Variants in TPRKB observed in about 807,000 individuals in gnomAD.
TPRKB encodes TP53RK binding protein.
In TPRKB, 11 loss-of-function variants were observed where a neutral mutation model predicts 17.8. The ratio of observed to expected loss-of-function variants is 0.62; its 90% CI spans 0.39 to 1.02. TPRKB has a LOEUF of 1.02. Among genes scored for constraint, TPRKB ranks in the 50% least tolerant of loss-of-function variants. The pLI is 0.00. For synonymous variants in TPRKB, 71 were observed against 69.5 expected (o/e 1.02, Z -0.11); for missense variants, 228 against 198.0 (o/e 1.15, Z -0.91).
In TPRKB at chr2:73,734,854, G is replaced by A. The variant is rs112502322; in HGVS notation, c.-22-263C>T. 4.3e-3 allele frequency among the ~76,000 whole-genome samples: 654 copies of A among 152,340 alleles called. 7 individuals are homozygous for A. Among genetic ancestry groups the A allele is most frequent in the African/African-American group, 0.015 (628 of 41,574 alleles). Reference sequence around the variant, plus strand: ...ATGAGGCAGGCTCAGGTGCATGGTTGAAGGGCTGCTTCCCCAGCAGACAAG... The same window carrying A: ...ATGAGGCAGGCTCAGGTGCATGGTTAAAGGGCTGCTTCCCCAGCAGACAAG... On this transcript the variant is annotated intron_variant, in intron 1 of 4. Coordinates refer to ENST00000272424, the MANE Select transcript of TPRKB (RefSeq NM_016058.5).
chr2:73,730,001 C>A lies in TPRKB; in HGVS notation c.470G>T (p.Ser157Ile). 1 of 1,574,694 alleles carries A rather than the reference C, an allele frequency of 6.4e-7. No individual in the cohort carries two copies. Among genetic ancestry groups the A allele is most frequent in the South Asian group, 1.2e-5 (1 of 86,326 alleles). The change falls in exon 5 of 5, where the codon AGT becomes ATT. Residue 157 changes from serine to isoleucine, a missense_variant. By Grantham distance (142) the Ser-to-Ile change is moderately radical (BLOSUM62 -2). Coordinates refer to ENST00000272424, the MANE Select transcript of TPRKB (RefSeq NM_016058.5). Reference sequence around the variant, plus strand: ...GATAGCATCCAATAATGTCCCAATACTTTCTTCTTGTGAAGAGAGTTTATA... The same window carrying A: ...GATAGCATCCAATAATGTCCCAATAATTTCTTCTTGTGAAGAGAGTTTATA... ...KIYKLSSQEE[S>I]IGTLLDAIIC... is the part of the protein sequence containing the mutation.
intron 1 of TPRKB, 78 bp from the exon 2 acceptor site, chr2:73,734,669 A>AACTT: frequency 7.7e-7 from 1 of 1,302,056 alleles, no homozygotes; most frequent in South Asian, 1.5e-5. Context: ...AATATTCAAA[A>AACTT]ACTTTGAAAG....
intron 2 of TPRKB, 110 bp from the exon 3 acceptor site, chr2:73,732,395 A>G (rs1320276787): frequency 8.3e-7 from 1 of 1,200,878 alleles, no homozygotes; most frequent in Non-Finnish European, 1.2e-6. Flanking sequence ...CTTCATCACA[A>G]TTCTTACGGT....
At position 73,730,014 on chromosome 2, in the gene TPRKB, A is replaced by G. The variant is rs1671521456; in HGVS notation, c.457T>C (p.Ser153Pro). The change falls in exon 5 of 5, where the codon TCA becomes CCA. Residue 153 changes from serine to proline, a missense_variant. Coordinates refer to ENST00000272424, the MANE Select transcript of TPRKB (RefSeq NM_016058.5). ...AATGTCCCAATACTTTCTTCTTGTG[A>G]AGAGAGTTTATATATCTGTAAAAAT... ...TEVKKIYKLS[S>P]QEESIGTLLD... is the part of the protein sequence containing the mutation. The G allele has an allele frequency of 1.8e-5, 28 of 1,572,000 alleles. No homozygotes were observed. The highest frequency in any genetic ancestry group is 2.3e-5 in the Non-Finnish European group (27 of 1,156,432).
At chr2:73,733,189 C>T (rs995955838) in intron 2 of TPRKB, among the ~76,000 whole-genome samples, 3 of 150,838 alleles carry the variant, frequency 2.0e-5, no homozygotes, top group African/African-American at 4.9e-5. Context: ...TGTTCAAAGG[C>T]CTAAGTAGTA....
rs772184234 is a variant in TPRKB at position 73,734,447 on chromosome 2, T to G, written c.123A>C (p.Ser41=). ...TATTTACCACTGTAGGATTTATCAG[T>G]GATCCATCGATGGTGCCTTCCATGG... ...RKAMEGTIDG[S]LINPTVIVDP... is the part of the protein sequence containing the mutation. The change falls in exon 2 of 5, where the codon TCA becomes TCC. Residue 41 remains serine, a synonymous_variant. Coordinates refer to ENST00000272424, the MANE Select transcript of TPRKB (RefSeq NM_016058.5). 13 of 1,612,804 alleles carry G rather than the reference T, an allele frequency of 8.1e-6. No individual in the cohort carries two copies. In the Admixed American group the frequency reaches 1.8e-4, roughly 23 times the overall value.
At chr2:73,731,600 G>A (rs1036578794) in intron 3 of TPRKB, among the ~76,000 whole-genome samples, 13 of 152,174 alleles carry the variant, frequency 8.5e-5, no homozygotes, top group African/African-American at 2.9e-4. Flanking sequence ...AACTTCATCA[G>A]CAAAATTGCA....
rs1184981007 is a variant in TPRKB at position 73,729,929 on chromosome 2, A to C, written c.*14T>G. On this transcript the variant is annotated 3_prime_UTR_variant, in exon 5 of 5. Coordinates refer to ENST00000272424, the MANE Select transcript of TPRKB (RefSeq NM_016058.5). ...TCTTTAATGCTGAGAATTTTTGTTA[A>C]TATTTCTGACATTTCATAAAACATC... 1.3e-6 allele frequency: 2 copies of C among 1,534,406 alleles called. No homozygotes were observed. The highest frequency in any genetic ancestry group is 4.0e-5 in the Admixed American group (2 of 49,430).
rs772383010 is a variant in TPRKB, at chr2:73,732,151, A to C, written c.264+12T>G. On this transcript the variant is annotated intron_variant, in intron 3 of 4. Transcript: ENST00000272424. ...ATGACACGGTCAACAGAAATAGGAA[A>C]GTGCACATTACATTGTTATTTGGGG... The C allele has an allele frequency of 5.0e-6, 8 of 1,609,882 alleles. No homozygotes were observed. Among genetic ancestry groups the C allele is most frequent in the Non-Finnish European group, 6.8e-6 (8 of 1,178,406 alleles).
rs1181710439 is a variant in TPRKB at position 73,734,555 on chromosome 2, A to T, written c.15T>A (p.His5Gln). 10 of 1,611,754 alleles carry T rather than the reference A, an allele frequency of 6.2e-6. No individual in the cohort carries two copies. Among genetic ancestry groups the T allele is most frequent in the Non-Finnish European group, 8.5e-6 (10 of 1,179,314 alleles). The change falls in exon 2 of 5, where the codon CAT becomes CAA. Residue 5 changes from histidine to glutamine, a missense_variant. Transcript: ENST00000272424. Reference sequence around the variant, plus strand: ...TGCATTCGGGAAATAGGTCCAGCTGATGTGTTAACTGCATTTCACAGATAA... The same window carrying T: ...TGCATTCGGGAAATAGGTCCAGCTGTTGTGTTAACTGCATTTCACAGATAA... MQLTHQLDLFPECRV... is the reference protein window; with the variant it reads MQLTQQLDLFPECRV...
At chr2:73,731,997 TAGTA>T (rs1214585610) in intron 3 of TPRKB, 162 bp downstream of exon 3, 3 of 707,008 alleles carry the variant, frequency 4.2e-6, no homozygotes, top group Admixed American at 6.1e-5. Flanking sequence ...TAAACTGTCT[TAGTA>T]AGAGGCAGGG....
chr2:73,732,369 G>A (rs1671655960), intron 2 of TPRKB, 84 bp from the exon 3 acceptor site: 1 of 1,409,392 alleles, frequency 7.1e-7, no homozygotes, highest in African/African-American at 1.4e-5. Context: ...GTTAACTCCA[G>A]TGTCAAGCTG....
chr2:73,731,927 T>C (rs1166938896), intron 3 of TPRKB: 1 of 357,658 alleles, frequency 2.8e-6, no homozygotes, highest in African/African-American at 2.1e-5. Flanking sequence ...TGACCCTATA[T>C]GGTAAGAACA....
At chr2:73,732,452 C>T in intron 2 of TPRKB, 167 bp from the exon 3 acceptor site, 1 of 753,014 alleles carries the variant, frequency 1.3e-6, no homozygotes, top group South Asian at 1.9e-5. Flanking sequence ...TGGCTCACAC[C>T]TGTAATCCTA....
chr2:73,730,500 A>G (rs1177000637), intron 4 of TPRKB, 60 bp downstream of exon 4: 5 of 1,221,214 alleles, frequency 4.1e-6, no homozygotes, highest in Admixed American at 5.4e-5. Flanking sequence ...TCAATAGGCA[A>G]ACGGCATCAG....
chr2:73,729,958 T>C lies in TPRKB; in HGVS notation c.513A>G (p.Thr171=). 1.3e-6 allele frequency: 2 copies of C among 1,569,656 alleles called. No homozygotes were observed. Among genetic ancestry groups the C allele is most frequent in the Non-Finnish European group, 1.7e-6 (2 of 1,153,922 alleles). The part of the protein sequence containing the change: ...LLDAIICRMS[T]KDVL ...TTCTGACATTTCATAAAACATCTTT[T>C]GTTGACATTCTACAAATGATAGCAT... is the stretch of plus-strand genomic sequence containing the variant. The change falls in exon 5 of 5, where the codon ACA becomes ACG. Residue 171 remains threonine, a synonymous_variant. Coordinates refer to ENST00000272424, the MANE Select transcript of TPRKB (RefSeq NM_016058.5).
Position 73,729,956 on chromosome 2 carries a change from T to C in TPRKB, c.515A>G (p.Lys172Arg). 6.4e-7 allele frequency: 1 copy of C among 1,568,602 alleles called. No individual in the cohort carries two copies. ...LDAIICRMST[K>R]DVL Reference sequence around the variant, plus strand: ...ATTTCTGACATTTCATAAAACATCTTTTGTTGACATTCTACAAATGATAGC... The same window carrying C: ...ATTTCTGACATTTCATAAAACATCTCTTGTTGACATTCTACAAATGATAGC... Residue 172 changes from lysine (K) to arginine (R), a missense_variant, in exon 5 of 5, where the codon AAA (lysine) becomes AGA (arginine). Physicochemically the swap from Lys to Arg is conservative, Grantham distance 26. Transcript: ENST00000272424.
intron 1 of TPRKB, among the ~76,000 whole-genome samples, chr2:73,735,218 G>A (rs558632710): frequency 1.1e-4 from 16 of 152,142 alleles, no homozygotes; most frequent in African/African-American, 3.9e-4. Context: ...TGTAATCCCA[G>A]CTACTCAGGA....
chr2:73,735,622 T>C (rs1428028856), intron 1 of TPRKB, among the ~76,000 whole-genome samples: 1 of 152,144 alleles, frequency 6.6e-6, no homozygotes, highest in Non-Finnish European at 1.5e-5. Context: ...AAGAAAAGGA[T>C]AGGTTATTAT....
Sources: allele counts gnomAD v4.1 joint callset (sites outside exome capture counted in the v4.1 genomes callset), GRCh38; gene constraint gnomAD v4.1.1; transcripts MANE v1.5; gene names NCBI Gene and HGNC (gene_info 2026-07-23, HGNC 2026-07-21).